RNF125: variants seen among roughly 807,000 people sequenced by gnomAD.
RNF125 encodes ring finger protein 125.
In RNF125, 21 loss-of-function variants were observed where a neutral mutation model predicts 26.0. That is an observed-to-expected ratio of 0.81 (90% CI 0.57 to 1.16). The LOEUF is 1.16. Ranked by LOEUF, RNF125 falls within the 50% of genes most tolerant of loss-of-function variation. The probability of loss-of-function intolerance (pLI) is 0.00; values close to 1 mark genes in which losing one functional copy is unlikely to be tolerated. For missense variants in RNF125, 270 were observed against 299.4 expected (o/e 0.90, Z 0.72); for synonymous variants, 95 against 109.2 (o/e 0.87, Z 0.81).
intron 1 of RNF125, among the ~76,000 whole-genome samples, chr18:32,021,571 A>G (rs946910175): frequency 2.0e-5 from 3 of 152,210 alleles, no homozygotes; most frequent in East Asian, 1.9e-4. Flanking sequence ...TTTTAGGGCA[A>G]TAACAGCCTA....
Position 32,040,272 on chromosome 18 carries a change from T to TC in RNF125, c.319-1907_319-1906insC, listed in dbSNP as rs1248541804. ...CCCTATATCAAACAATTTCTTTCTT[T>TC]TTTTTTTTTTTTTTTTTGAGACAGA... On this transcript the variant is annotated intron_variant, in intron 2 of 5. Transcript: ENST00000217740. Among the ~76,000 whole-genome samples, 1,284 of 135,322 alleles carry TC rather than the reference T, an allele frequency of 9.5e-3. 8 individuals carry two copies. The highest frequency in any genetic ancestry group is 0.014 in the Non-Finnish European group (873 of 64,272). The allele number at this position is 135,322 out of a possible 152,430, so 88.8% of individuals were successfully genotyped here.
chr18:32,050,554 G>T (rs1022618058), intron 4 of RNF125, among the ~76,000 whole-genome samples: 1 of 151,248 alleles, frequency 6.6e-6, no homozygotes, highest in Non-Finnish European at 1.5e-5. Context: ...GCCCAGGCTG[G>T]TCTCAAATTC....
chr18:32,087,058 C>G, the RNF125 span, among the ~76,000 whole-genome samples: 1 of 152,120 alleles, frequency 6.6e-6, no homozygotes, highest in African/African-American at 2.4e-5. Context: ...GCTTAAACCA[C>G]TGGTAAGAGG....
chr18:32,028,125 C>T (rs1002966121), intron 1 of RNF125, among the ~76,000 whole-genome samples: 11 of 151,234 alleles, frequency 7.3e-5, no homozygotes, highest in Non-Finnish European at 1.0e-4. Context: ...GGTGAAACCC[C>T]GTCTCTACTA....
the RNF125 span, among the ~76,000 whole-genome samples, chr18:32,086,993 CATA>C: frequency 2.6e-5 from 4 of 152,072 alleles, no homozygotes; most frequent in Non-Finnish European, 5.9e-5. Flanking sequence ...TGATGCCCCT[CATA>C]ATAATTCCCT....
At chr18:32,045,325 G>A (rs1478939792) in intron 3 of RNF125, among the ~76,000 whole-genome samples, 2 of 151,854 alleles carry the variant, frequency 1.3e-5, no homozygotes, top group African/African-American at 2.4e-5. Flanking sequence ...TTGGGAGGCC[G>A]AGGTGGGTGG....
chr18:32,038,645 G>T (rs1463983779), intron 2 of RNF125, among the ~76,000 whole-genome samples: 1 of 152,180 alleles, frequency 6.6e-6, no homozygotes, highest in African/African-American at 2.4e-5. Context: ...TACTATATCA[G>T]CTTCCCCAGA....
At position 32,070,598 on chromosome 18, in the gene RNF125, TCTTACA is replaced by T. The variant is rs1423780564; in HGVS notation, c.*2221_*2226del. ...CACAATTACTCATTTCTTTTATTTA[TCTTACA>T]CTTACAGCTGTCTCAGAATAACAAT... On this transcript the variant is annotated 3_prime_UTR_variant, in exon 6 of 6. Transcript: ENST00000217740. 6 of 152,230 alleles carry T rather than the reference TCTTACA, an allele frequency of 3.9e-5. No homozygotes were observed. Among genetic ancestry groups the T allele is most frequent in the African/African-American group, 1.2e-4 (5 of 41,466 alleles). 9.4% of individuals were successfully genotyped at this position (152,230 alleles called of 1,614,324 possible). A position where few individuals can be genotyped will look rare whatever the true frequency, so the allele number is the denominator to read the frequency against.
chr18:32,083,319 T>C, the RNF125 span, among the ~76,000 whole-genome samples: 1 of 152,234 alleles, frequency 6.6e-6, no homozygotes, highest in Non-Finnish European at 1.5e-5. Context: ...GGAAAAATAG[T>C]GGTCTCATGA....
At chr18:32,063,857 C>T (rs961524874) in intron 4 of RNF125, among the ~76,000 whole-genome samples, 10 of 151,556 alleles carry the variant, frequency 6.6e-5, no homozygotes, top group Admixed American at 1.3e-4. Flanking sequence ...ATAAGTTTCT[C>T]GAAATAGTAA....
At chr18:32,035,887 T>C (rs2039147515) in intron 1 of RNF125, among the ~76,000 whole-genome samples, 1 of 152,196 alleles carries the variant, frequency 6.6e-6, no homozygotes, top group Non-Finnish European at 1.5e-5. Context: ...GCACAGTGGC[T>C]CACGCCTGTA....
At chr18:32,065,409 T>C (rs1009861129) in intron 4 of RNF125, among the ~76,000 whole-genome samples, 1 of 152,090 alleles carries the variant, frequency 6.6e-6, no homozygotes. Context: ...AGCTAATTTT[T>C]GTATTTTTAG....
chr18:32,042,872 G>T (rs1598816121), intron 3 of RNF125, among the ~76,000 whole-genome samples: 1 of 151,510 alleles, frequency 6.6e-6, no homozygotes, highest in East Asian at 1.9e-4. Flanking sequence ...ACATTCGTGG[G>T]GTGTGGTGGC....
intron 4 of RNF125, among the ~76,000 whole-genome samples, chr18:32,049,568 C>T (rs551818968): frequency 6.6e-6 from 1 of 151,884 alleles, no homozygotes; most frequent in South Asian, 2.1e-4. Flanking sequence ...AGTTAGAGAA[C>T]CCACATGGGG....
At chr18:32,054,913 A>C (rs2039365485) in intron 4 of RNF125, among the ~76,000 whole-genome samples, 1 of 152,210 alleles carries the variant, frequency 6.6e-6, no homozygotes. Context: ...ATATTATCTA[A>C]TCTGCAAAGT....
chr18:32,040,068 T>G (rs1269595845), intron 2 of RNF125, among the ~76,000 whole-genome samples: 1 of 151,672 alleles, frequency 6.6e-6, no homozygotes, highest in East Asian at 1.9e-4. Context: ...TATGAGCCAC[T>G]GCGCCCAGCT....
chr18:32,066,725 TA>T (rs1418295009), intron 5 of RNF125, among the ~76,000 whole-genome samples: 1 of 152,176 alleles, frequency 6.6e-6, no homozygotes, highest in African/African-American at 2.4e-5. Flanking sequence ...TTCTTAGGAT[TA>T]AATGAGATAA....
the RNF125 span, among the ~76,000 whole-genome samples, chr18:32,083,816 T>C: frequency 1.3e-5 from 2 of 151,562 alleles, no homozygotes; most frequent in Non-Finnish European, 2.9e-5. Context: ...GGCAGGAGGA[T>C]TGACTGAGCC....
chr18:32,066,397 TTC>T (rs2039485933), intron 5 of RNF125, among the ~76,000 whole-genome samples: 1 of 151,970 alleles, frequency 6.6e-6, no homozygotes, highest in Non-Finnish European at 1.5e-5. Flanking sequence ...AGGCAGAGGT[TTC>T]AGTGAGCTGA....
Sources: gnomAD v4.1 joint callset for allele counts (sites outside exome capture counted in the v4.1 genomes callset) on GRCh38, gnomAD v4.1.1 for gene constraint, MANE v1.5 for transcripts, NCBI Gene and HGNC (gene_info 2026-07-23, HGNC 2026-07-21) for gene names.